Variants in BACE2 observed in about 807,000 individuals in gnomAD.
The protein encoded by BACE2 is beta-secretase 2.
A neutral mutation model predicts 46.2 loss-of-function variants in BACE2; 17 were observed. The observed-to-expected ratio is 0.37, with a 90% CI of 0.25 to 0.55. BACE2 has a LOEUF of 0.55. Ranked by LOEUF, BACE2 falls within the 20% of genes least tolerant of loss-of-function variation. The probability of loss-of-function intolerance (pLI) is 0.82; values close to 1 mark genes in which losing one functional copy is unlikely to be tolerated. For synonymous variants in BACE2, 277 were observed against 295.9 expected, an observed-to-expected ratio of 0.94 and a Z score of 0.66; for missense variants, 595 against 698.1, an observed-to-expected ratio of 0.85 and a Z score of 1.66.
At chr21:41,183,127 AT>A (rs984426341) in intron 1 of BACE2, 21 of 166,828 alleles carry the variant, frequency 1.3e-4, no homozygotes, top group African/African-American at 4.8e-4. Context: ...CATTAAGCAT[AT>A]CCCATTTACG....
intron 1 of BACE2, among the ~76,000 whole-genome samples, chr21:41,202,131 C>G (rs1985984451): frequency 1.3e-5 from 2 of 152,182 alleles, no homozygotes. Context: ...GCTAAATGAT[C>G]AGGCATGACC....
In BACE2 at chr21:41,244,388, G is replaced by A. The variant is rs560586517; in HGVS notation, c.882+878G>A. 8.5e-5 allele frequency among the ~76,000 whole-genome samples: 13 copies of A among 152,228 alleles called. No homozygotes were observed. In the South Asian group the frequency reaches 2.7e-3, roughly 32 times the overall value. On this transcript the variant is annotated intron_variant, in intron 5 of 8. Transcript: ENST00000330333. ...AGTCAGTGAAGGGAGACAGGGGTGGGTCCACTTTATAAGATTTGGGTAGGT... is the reference window on the plus strand; with the variant it reads ...AGTCAGTGAAGGGAGACAGGGGTGGATCCACTTTATAAGATTTGGGTAGGT...
intron 1 of BACE2, among the ~76,000 whole-genome samples, chr21:41,204,522 C>G (rs1986064463): frequency 6.6e-6 from 1 of 152,152 alleles, no homozygotes; most frequent in Admixed American, 6.5e-5. Context: ...GGAGCTAGGA[C>G]CATGGGTGGT....
At chr21:41,258,777 G>A (rs748930406) in intron 8 of BACE2, among the ~76,000 whole-genome samples, 2 of 152,150 alleles carry the variant, frequency 1.3e-5, no homozygotes, top group African/African-American at 2.4e-5. Context: ...TATCTGTGCC[G>A]ACGTATTTCG....
At chr21:41,169,491 A>G (rs1601232924) in intron 1 of BACE2, among the ~76,000 whole-genome samples, 1 of 149,760 alleles carries the variant, frequency 6.7e-6, no homozygotes, top group Admixed American at 6.6e-5. Context: ...GCCCCCTCCT[A>G]CTTTCAAACT....
intron 2 of BACE2, among the ~76,000 whole-genome samples, chr21:41,234,414 A>G (rs1252063544): frequency 1.3e-5 from 2 of 152,228 alleles, no homozygotes; most frequent in Non-Finnish European, 2.9e-5. Context: ...CTGTTTTAGT[A>G]AATAAAGTTC....
At chr21:41,207,451 A>T (rs1004075550) in intron 1 of BACE2, among the ~76,000 whole-genome samples, 1 of 152,180 alleles carries the variant, frequency 6.6e-6, no homozygotes, top group Admixed American at 6.5e-5. Context: ...GCGCTCACAC[A>T]TGACTGTTTA....
rs569024884 is a variant in BACE2, at chr21:41,179,032, G to A, written c.312+10457G>A. On this transcript the variant is annotated intron_variant, in intron 1 of 8. Transcript: ENST00000330333. ...TGAGCCTTCAGAAGTTAGGGAAAGCGTGTCCCAGGCTGCAGCCAGGGAGGT... is the reference window on the plus strand; with the variant it reads ...TGAGCCTTCAGAAGTTAGGGAAAGCATGTCCCAGGCTGCAGCCAGGGAGGT... 3.8e-4 allele frequency: 398 copies of A among 1,060,022 alleles called. 4 individuals are homozygous for A. The African/African-American group carries it at 5.1e-3, about 14-fold the overall frequency. 65.7% of individuals were successfully genotyped at this position (1,060,022 alleles called of 1,614,324 possible). A position where few individuals can be genotyped will look rare whatever the true frequency, so the allele number is the denominator to read the frequency against.
At chr21:41,214,320 G>A (rs1035237556) in intron 1 of BACE2, among the ~76,000 whole-genome samples, 2 of 152,212 alleles carry the variant, frequency 1.3e-5, no homozygotes, top group Admixed American at 6.5e-5. Context: ...CAAAGGGCTT[G>A]TGACACAGGA....
chr21:41,249,777 A>G (rs1466282829), intron 6 of BACE2, among the ~76,000 whole-genome samples: 3 of 152,118 alleles, frequency 2.0e-5, no homozygotes, highest in Non-Finnish European at 2.9e-5. Flanking sequence ...GACACATCAG[A>G]TACAGTCCTT....
intron 3 of BACE2, among the ~76,000 whole-genome samples, chr21:41,241,332 G>A (rs574587184): frequency 2.6e-5 from 4 of 152,160 alleles, no homozygotes; most frequent in African/African-American, 9.6e-5. Context: ...CTCACCCCAG[G>A]CTCTGGGGTC....
In BACE2 at chr21:41,243,425, C is replaced by T; in HGVS notation, c.797C>T (p.Thr266Ile). 6.2e-7 allele frequency: 1 copy of T among 1,612,316 alleles called. No individual in the cohort carries two copies. ...PSLYKGDIWY[T>I]PIKEEWYYQI... ...TTGTATAAAGGAGACATCTGGTATACCCCTATTAAGGAAGAGTGGTACTAC... is the reference window on the plus strand; with the variant it reads ...TTGTATAAAGGAGACATCTGGTATATCCCTATTAAGGAAGAGTGGTACTAC... Residue 266 changes from threonine to isoleucine, a missense_variant, in exon 5 of 9, where the codon ACC becomes ATC. This residue lies in a region of BACE2 where 343 missense variants were observed against 419.4 expected (regional missense o/e 0.82). Transcript: ENST00000330333.
chr21:41,256,593 G>A (rs1171027386), intron 7 of BACE2, among the ~76,000 whole-genome samples: 9 of 152,020 alleles, frequency 5.9e-5, no homozygotes, highest in Non-Finnish European at 1.3e-4. Context: ...TTGATCCCAG[G>A]TTAGATAAAC....
intron 7 of BACE2, among the ~76,000 whole-genome samples, chr21:41,254,273 C>A (rs137948478): frequency 6.6e-6 from 1 of 152,342 alleles, no homozygotes; most frequent in East Asian, 1.9e-4. Flanking sequence ...TCTAAGGTTT[C>A]TTCACAGCTT....
At chr21:41,168,879 CGT>C (rs1984482717) in intron 1 of BACE2, among the ~76,000 whole-genome samples, 1 of 152,106 alleles carries the variant, frequency 6.6e-6, no homozygotes, top group Non-Finnish European at 1.5e-5. Context: ...CCTCCAATAA[CGT>C]GATTTCCTTC....
chr21:41,226,499 G>C, intron 2 of BACE2, 145 bp downstream of exon 2: 1 of 668,956 alleles, frequency 1.5e-6, no homozygotes, highest in Non-Finnish European at 2.6e-6. Context: ...CACACATGTG[G>C]ACATGTGTAT....
At chr21:41,220,887 G>C (rs978544937) in intron 1 of BACE2, among the ~76,000 whole-genome samples, 6 of 151,660 alleles carry the variant, frequency 4.0e-5, no homozygotes, top group Admixed American at 1.3e-4. Context: ...AACATTTATA[G>C]TCTCATTATT....
chr21:41,189,518 T>G (rs960984174), intron 1 of BACE2, among the ~76,000 whole-genome samples: 9 of 152,240 alleles, frequency 5.9e-5, no homozygotes, highest in Admixed American at 2.0e-4. Context: ...AATTATGATT[T>G]TGCTTAACAC....
intron 2 of BACE2, among the ~76,000 whole-genome samples, chr21:41,236,142 T>C (rs1987111382): frequency 6.6e-6 from 1 of 152,220 alleles, no homozygotes; most frequent in Non-Finnish European, 1.5e-5. Flanking sequence ...AGATGTTTCT[T>C]AGGTTCCTTC....
Sources: gnomAD v4.1 joint callset for allele counts (sites outside exome capture counted in the v4.1 genomes callset) on GRCh38, gnomAD v4.1.1 for gene constraint, gnomAD v4.1.1 regional missense constraint, MANE v1.5 for transcripts, NCBI Gene and HGNC (gene_info 2026-07-23, HGNC 2026-07-21) for gene names.